UBAC2: variants seen among roughly 807,000 people sequenced by gnomAD.
The protein encoded by UBAC2 is UBA domain containing 2, also known as ubiquitin-associated domain-containing protein 2.
Under a neutral mutation model 44.0 loss-of-function variants are expected in UBAC2, and 26 were observed. The observed-to-expected ratio is 0.59, with a 90% CI of 0.43 to 0.82. UBAC2 has a LOEUF of 0.82. Ranked by LOEUF, UBAC2 falls within the 40% of genes least tolerant of loss-of-function variation. The probability of loss-of-function intolerance (pLI) is 0.00; values close to 1 mark genes in which losing one functional copy is unlikely to be tolerated. For synonymous variants in UBAC2, 155 were observed against 154.3 expected (o/e 1.00, Z -0.04); for missense variants, 329 against 419.4 (o/e 0.78, Z 1.88).
chr13:99,328,644 G>T (rs1310513679), intron 6 of UBAC2, among the ~76,000 whole-genome samples: 1 of 151,942 alleles, frequency 6.6e-6, no homozygotes, highest in African/African-American at 2.4e-5. Flanking sequence ...CATATCTTTT[G>T]TGAAATATCT....
intron 4 of UBAC2, among the ~76,000 whole-genome samples, chr13:99,311,956 T>C (rs1815887244): frequency 6.6e-6 from 1 of 152,260 alleles, no homozygotes. Flanking sequence ...TCCTTCTCAC[T>C]GGATGGCTAG....
chr13:99,251,754 C>T (rs2043460875), intron 4 of UBAC2, among the ~76,000 whole-genome samples: 1 of 152,144 alleles, frequency 6.6e-6, no homozygotes, highest in Non-Finnish European at 1.5e-5. Flanking sequence ...CTGCCTCTTA[C>T]TAGTTATGTG....
At chr13:99,243,774 G>T in intron 2 of UBAC2, 58 bp from the exon 3 acceptor site, 1 of 1,511,700 alleles carries the variant, frequency 6.6e-7, no homozygotes, top group South Asian at 1.2e-5. Flanking sequence ...ATTTGCTAAG[G>T]AAGAGACCCG....
intron 4 of UBAC2, among the ~76,000 whole-genome samples, chr13:99,253,521 C>CT (rs933205264): frequency 3.4e-4 from 50 of 148,534 alleles, no homozygotes; most frequent in Admixed American, 1.2e-3. Flanking sequence ...AAATTAATTT[C>CT]TTTTTTTTTT....
chr13:99,243,702 C>T (rs2043348016), intron 2 of UBAC2, 130 bp from the exon 3 acceptor site: 2 of 785,700 alleles, frequency 2.5e-6, no homozygotes, highest in Non-Finnish European at 4.0e-6. Flanking sequence ...TATAGTTTTC[C>T]TTTGGTGTGT....
At chr13:99,305,291 CAT>C (rs10540867) in intron 4 of UBAC2, among the ~76,000 whole-genome samples, 80,077 of 151,852 alleles carry the variant, frequency 0.53, 23,095 homozygotes, top group Non-Finnish European at 0.67. Context: ...AGGATTCTCA[CAT>C]GTGTTATCTC....
chr13:99,296,001 T>C, intron 4 of UBAC2: 1 of 1,614,178 alleles, frequency 6.2e-7, no homozygotes, highest in Non-Finnish European at 8.5e-7. Context: ...GCTAGTAAGT[T>C]TCCCACGAGC....
chr13:99,346,508 CG>C (rs758251803), intron 7 of UBAC2, among the ~76,000 whole-genome samples: 13 of 152,246 alleles, frequency 8.5e-5, no homozygotes, highest in Non-Finnish European at 1.6e-4. Flanking sequence ...CATGCCTCAC[CG>C]GGTTACTCAC....
At chr13:99,383,662 C>A (rs575637584) in intron 8 of UBAC2, among the ~76,000 whole-genome samples, 1 of 152,388 alleles carries the variant, frequency 6.6e-6, no homozygotes, top group Non-Finnish European at 1.5e-5. Flanking sequence ...TTGAAAGCAA[C>A]GTTCCGGGGA....
In UBAC2 at chr13:99,382,986, G is replaced by A. The variant is rs146262870; in HGVS notation, c.928-2242G>A. ...GTGCTTTATGTAGGAAAAGAGAATA[G>A]GGTTGTTCTCGGTTACTTCAAAGGG... is the stretch of plus-strand genomic sequence containing the variant. On this transcript the variant is annotated intron_variant, in intron 8 of 8. Coordinates refer to ENST00000403766, the MANE Select transcript of UBAC2 (RefSeq NM_001144072.2). Among the ~76,000 whole-genome samples the A allele has an allele frequency of 2.6e-5, 4 of 152,344 alleles. No individual in the cohort carries two copies. In the East Asian group the frequency reaches 7.7e-4, roughly 29 times the overall value.
chr13:99,274,124 A>T (rs1388443206), intron 4 of UBAC2, among the ~76,000 whole-genome samples: 1 of 152,066 alleles, frequency 6.6e-6, no homozygotes, highest in African/African-American at 2.4e-5. Context: ...CCTTCCTCCC[A>T]GAAGTCTACA....
intron 1 of UBAC2, among the ~76,000 whole-genome samples, chr13:99,225,293 C>A (rs1021176670): frequency 1.4e-4 from 22 of 152,204 alleles, no homozygotes; most frequent in African/African-American, 5.3e-4. Flanking sequence ...TAAACAACTT[C>A]CCATTTCCCC....
intron 7 of UBAC2, among the ~76,000 whole-genome samples, chr13:99,353,456 C>T (rs1349311390): frequency 6.6e-6 from 1 of 152,154 alleles, no homozygotes; most frequent in Non-Finnish European, 1.5e-5. Flanking sequence ...TTCTATTTTC[C>T]ATCCTGCCTT....
At chr13:99,226,254 A>AG (rs1404739901) in intron 1 of UBAC2, among the ~76,000 whole-genome samples, 2 of 152,196 alleles carry the variant, frequency 1.3e-5, no homozygotes, top group Non-Finnish European at 2.9e-5. Flanking sequence ...CAGTAAACTT[A>AG]GTCAGGGCCA....
At chr13:99,379,813 T>G (rs776393119) in intron 8 of UBAC2, among the ~76,000 whole-genome samples, 8 of 152,272 alleles carry the variant, frequency 5.3e-5, no homozygotes, top group Non-Finnish European at 1.0e-4. Flanking sequence ...CTTTCTGTGC[T>G]ATAGATAAAC....
chr13:99,226,550 A>G (rs2043111873), intron 1 of UBAC2, among the ~76,000 whole-genome samples: 1 of 152,176 alleles, frequency 6.6e-6, no homozygotes, highest in Non-Finnish European at 1.5e-5. Flanking sequence ...TGATCATTCA[A>G]AAACATGTCC....
In UBAC2 at chr13:99,314,226, G is replaced by C. The variant is rs772513512; in HGVS notation, c.513+6G>C. 3.5e-6 allele frequency: 5 copies of C among 1,441,576 alleles called. No homozygotes were observed. The African/African-American group carries it at 5.9e-5, about 17-fold the overall frequency. 89.3% of individuals were successfully genotyped at this position (1,441,576 alleles called of 1,614,324 possible). ...TTTATATATTGGGACTGCAGGTACAGTATGCATTTTTATGTTCACTTTTCT... is the reference window on the plus strand; with the variant it reads ...TTTATATATTGGGACTGCAGGTACACTATGCATTTTTATGTTCACTTTTCT... On this transcript the variant is annotated splice_donor_region_variant and intron_variant, in intron 5 of 8. Coordinates refer to ENST00000403766, the MANE Select transcript of UBAC2 (RefSeq NM_001144072.2).
chr13:99,274,645 A>G (rs2043859713), intron 4 of UBAC2, among the ~76,000 whole-genome samples: 1 of 151,846 alleles, frequency 6.6e-6, no homozygotes, highest in Admixed American at 6.6e-5. Context: ...GTTAATGTTA[A>G]TGGACATTGG....
intron 1 of UBAC2, among the ~76,000 whole-genome samples, chr13:99,218,085 T>A (rs2043017105): frequency 6.6e-6 from 1 of 152,270 alleles, no homozygotes. Context: ...ATTTATCCCA[T>A]ATTTGTGTGT....
Sources: allele counts gnomAD v4.1 joint callset (sites outside exome capture counted in the v4.1 genomes callset), GRCh38; gene constraint gnomAD v4.1.1; transcripts MANE v1.5; gene names NCBI Gene and HGNC (gene_info 2026-07-23, HGNC 2026-07-21).